The following ME2 variants were observed in gnomAD, a reference collection of about 807,000 sequenced individuals.
The protein encoded by ME2 is malic enzyme 2.
A neutral mutation model predicts 73.7 loss-of-function variants in ME2; 60 were observed. The observed-to-expected ratio is 0.81, with a 90% CI of 0.66 to 1.01. The LOEUF (loss-of-function observed/expected upper bound fraction) is 1.01, where lower values mean the gene tolerates loss of function less well. Among genes scored for constraint, ME2 ranks in the 50% least tolerant of loss-of-function variants. The pLI is 0.00. For missense variants in ME2, 594 were observed against 705.5 expected, an observed-to-expected ratio of 0.84 and a Z score of 1.79; for synonymous variants, 199 against 236.9, an observed-to-expected ratio of 0.84 and a Z score of 1.47.
chr18:50,884,317 T>G (rs997137937), intron 1 of ME2, among the ~76,000 whole-genome samples: 4 of 152,142 alleles, frequency 2.6e-5, no homozygotes, highest in Admixed American at 2.6e-4. Context: ...AGAGGTGGTG[T>G]TATCTTTATA....
rs971383736 is a variant in ME2 at position 50,949,199 on chromosome 18, C to T, written c.*2015C>T. ...TTTAAAATGGTCGCAATGGCATTGCCATTTGGAGTATGGGAAAATGCAGTT... is the reference window on the plus strand; with the variant it reads ...TTTAAAATGGTCGCAATGGCATTGCTATTTGGAGTATGGGAAAATGCAGTT... On this transcript the variant is annotated 3_prime_UTR_variant, in exon 16 of 16. Coordinates refer to ENST00000321341, the MANE Select transcript of ME2 (RefSeq NM_002396.5). The T allele has an allele frequency of 1.3e-5, 2 of 152,130 alleles. No homozygotes were observed. The highest frequency in any genetic ancestry group is 2.9e-5 in the Non-Finnish European group (2 of 68,032). The allele number at this position is 152,130 out of a possible 1,614,324, so 9.4% of individuals were successfully genotyped here.
At chr18:50,893,352 G>A (rs926729383) in intron 1 of ME2, among the ~76,000 whole-genome samples, 21 of 151,920 alleles carry the variant, frequency 1.4e-4, no homozygotes, top group Non-Finnish European at 4.4e-5. Flanking sequence ...ACACTATTAC[G>A]GCTATGATAA....
In ME2 at chr18:50,950,678, G is replaced by A. The variant is rs910842036; in HGVS notation, c.*3494G>A. The A allele has an allele frequency of 2.0e-5, 3 of 151,690 alleles. No homozygotes were observed. The allele number at this position is 151,690 out of a possible 1,614,324, so 9.4% of individuals were successfully genotyped here. ...TAATTTTTGTATTTTTAGAAGAGTG[G>A]GGGTTTTGCCACGTTGCCTGGGCTG... is the stretch of plus-strand genomic sequence containing the variant. On this transcript the variant is annotated 3_prime_UTR_variant, in exon 16 of 16. Coordinates refer to ENST00000321341, the MANE Select transcript of ME2 (RefSeq NM_002396.5).
chr18:50,932,455 A>C, intron 13 of ME2, 95 bp downstream of exon 13: 1 of 831,712 alleles, frequency 1.2e-6, no homozygotes. Flanking sequence ...ACTGAGCAAC[A>C]GTATTACAGA....
At chr18:50,893,945 C>T (rs1422134658) in intron 1 of ME2, among the ~76,000 whole-genome samples, 1 of 152,194 alleles carries the variant, frequency 6.6e-6, no homozygotes, top group African/African-American at 2.4e-5. Context: ...TTCAGACATT[C>T]TTTTCATTTA....
intron 1 of ME2, among the ~76,000 whole-genome samples, chr18:50,887,769 A>G (rs1279630526): frequency 1.3e-5 from 2 of 152,250 alleles, no homozygotes; most frequent in Admixed American, 1.3e-4. Context: ...CACAACGTGT[A>G]TGGGACCACC....
At chr18:50,885,072 T>A (rs1281891713) in intron 1 of ME2, among the ~76,000 whole-genome samples, 2 of 151,778 alleles carry the variant, frequency 1.3e-5, no homozygotes, top group Non-Finnish European at 2.9e-5. Context: ...GCCAGTCTGA[T>A]CCCGAACTCC....
intron 13 of ME2, among the ~76,000 whole-genome samples, chr18:50,936,036 C>T (rs1417268050): frequency 6.6e-6 from 1 of 151,868 alleles, no homozygotes; most frequent in South Asian, 2.1e-4. Flanking sequence ...CACAGAAACC[C>T]ATGTGGGATG....
chr18:50,896,612 A>T (rs955565534), intron 2 of ME2, among the ~76,000 whole-genome samples: 3 of 152,186 alleles, frequency 2.0e-5, no homozygotes, highest in Admixed American at 6.5e-5. Flanking sequence ...TTTTTACAAG[A>T]AGATTGCAAG....
At chr18:50,912,718 A>G in intron 3 of ME2, 83 bp from the exon 4 acceptor site, 1 of 1,132,220 alleles carries the variant, frequency 8.8e-7, no homozygotes, top group South Asian at 2.8e-5. Context: ...TCAATTTTAG[A>G]CATTTAGGTT....
intron 4 of ME2, among the ~76,000 whole-genome samples, chr18:50,914,744 A>G (rs569435519): frequency 1.6e-4 from 24 of 152,314 alleles, no homozygotes; most frequent in Non-Finnish European, 4.4e-5. Flanking sequence ...CAAATTTAAG[A>G]TACCAATGAG....
chr18:50,894,770 G>T (rs1434893353), intron 1 of ME2, among the ~76,000 whole-genome samples: 1 of 150,732 alleles, frequency 6.6e-6, no homozygotes, highest in East Asian at 2.0e-4. Flanking sequence ...CCAGCTACTC[G>T]GGAGGCTGAG....
chr18:50,920,769 A>C lies in ME2; in HGVS notation c.942+11A>C. On this transcript the variant is annotated intron_variant, in intron 9 of 15. Transcript: ENST00000321341. ...CTTGGAGCAGGAGAGGTAAGTTTTG[A>C]AGGCTTTTTGAAACTTAAGCCTATC... The C allele has an allele frequency of 6.3e-7, 1 of 1,586,266 alleles. No individual in the cohort carries two copies. The highest frequency in any genetic ancestry group is 8.6e-7 in the Non-Finnish European group (1 of 1,167,074).
rs1268417157 is a variant in ME2, at chr18:50,951,971, C to T, written c.*4787C>T. The stretch of plus-strand genomic sequence containing the variant: ...GGTGAGCCTATGTAATACTCGAGAA[C>T]ATTAATATAAACCCATAGCTCTTTA... On this transcript the variant is annotated 3_prime_UTR_variant, in exon 16 of 16. Coordinates refer to ENST00000321341, the MANE Select transcript of ME2 (RefSeq NM_002396.5). The T allele has an allele frequency of 7.0e-6, 1 of 143,672 alleles. No homozygotes were observed. Among genetic ancestry groups the T allele is most frequent in the Non-Finnish European group, 1.5e-5 (1 of 66,772 alleles). 8.9% of individuals were successfully genotyped at this position (143,672 alleles called of 1,614,324 possible). A position where few individuals can be genotyped will look rare whatever the true frequency, so the allele number is the denominator to read the frequency against.
In ME2 at chr18:50,948,122, A is replaced by C. The variant is rs190143880; in HGVS notation, c.*938A>C. ...CAGAACTGATGCTCTTTATTGCTTG[A>C]GATAATTTTGGAATGTTACTATGAT... On this transcript the variant is annotated 3_prime_UTR_variant, in exon 16 of 16. Transcript: ENST00000321341. 2.5e-4 allele frequency: 38 copies of C among 152,272 alleles called. No homozygotes were observed. Among genetic ancestry groups the C allele is most frequent in the Non-Finnish European group, 4.6e-4 (31 of 68,020 alleles). The allele number at this position is 152,272 out of a possible 1,614,324, so 9.4% of individuals were successfully genotyped here. A position where few individuals can be genotyped will look rare whatever the true frequency, so the allele number is the denominator to read the frequency against.
At chr18:50,894,088 A>G (rs1355394868) in intron 1 of ME2, among the ~76,000 whole-genome samples, 3 of 152,202 alleles carry the variant, frequency 2.0e-5, no homozygotes, top group Admixed American at 6.5e-5. Context: ...TACCATCCAT[A>G]CATGGATGTG....
Position 50,912,865 on chromosome 18 carries a change from G to T in ME2, c.307G>T (p.Asp103Tyr). The T allele has an allele frequency of 6.2e-7, 1 of 1,609,472 alleles. No individual in the cohort carries two copies. Among genetic ancestry groups the T allele is most frequent in the Non-Finnish European group, 8.5e-7 (1 of 1,176,778 alleles). ...EKLFYRILQD[D>Y]IESLMPIVYT... Reference sequence around the variant, plus strand: ...ATTGTTTTATAGAATACTGCAAGATGACATTGAGAGTTTAATGCCAATTGT... The same window carrying T: ...ATTGTTTTATAGAATACTGCAAGATTACATTGAGAGTTTAATGCCAATTGT... The change falls in exon 4 of 16, where the codon GAC becomes TAC. Residue 103 changes from aspartate to tyrosine, a missense_variant. Coordinates refer to ENST00000321341, the MANE Select transcript of ME2 (RefSeq NM_002396.5).
rs989799547 is a variant in ME2 at position 50,898,257 on chromosome 18, T to G, written c.108+2329T>G. On this transcript the variant is annotated intron_variant, in intron 2 of 15. Coordinates refer to ENST00000321341, the MANE Select transcript of ME2 (RefSeq NM_002396.5). ...GTATACTCAAGGTATACCTGCTCTT[T>G]GTTTATAAAACTTTTTTATTGTGGT... Among the ~76,000 whole-genome samples, 6 of 152,228 alleles carry G rather than the reference T, an allele frequency of 3.9e-5. No individual in the cohort carries two copies. The East Asian group carries it at 5.8e-4, about 15-fold the overall frequency.
chr18:50,890,383 G>C (rs982464448), intron 1 of ME2, among the ~76,000 whole-genome samples: 2 of 151,996 alleles, frequency 1.3e-5, no homozygotes, highest in Admixed American at 1.3e-4. Context: ...CAAAGTGGTG[G>C]GATTCCAGGC....
Sources: allele counts gnomAD v4.1 joint callset (sites outside exome capture counted in the v4.1 genomes callset), GRCh38; gene constraint gnomAD v4.1.1; transcripts MANE v1.5; gene names NCBI Gene and HGNC (gene_info 2026-07-23, HGNC 2026-07-21).